Variants in MYH8 observed in about 807,000 individuals in gnomAD.
MYH8 encodes myosin-8.
MYH8 carries 168 observed loss-of-function variants against 233.2 expected under a neutral mutation model. The observed-to-expected ratio is 0.72, with a 90% CI of 0.64 to 0.82. The LOEUF (loss-of-function observed/expected upper bound fraction) is 0.82. Ranked by LOEUF, MYH8 falls within the 40% of genes least tolerant of loss-of-function variation. The probability of loss-of-function intolerance (pLI) is 0.00; values close to 1 mark genes in which losing one functional copy is unlikely to be tolerated. For synonymous variants in MYH8, 785 were observed against 850.6 expected (o/e 0.92, Z 1.34); for missense variants, 1,995 against 2,327.8 (o/e 0.86, Z 2.94).
intron 14 of MYH8, among the ~76,000 whole-genome samples, chr17:10,411,405 G>A (rs181901617): frequency 3.3e-5 from 5 of 151,814 alleles, no homozygotes; most frequent in Admixed American, 1.3e-4. Flanking sequence ...CATTATTCAC[G>A]TGAGCCTTTC....
chr17:10,394,601 C>G (rs1256200402), intron 34 of MYH8, 149 bp from the exon 35 acceptor site: 1 of 1,009,510 alleles, frequency 9.9e-7, no homozygotes, highest in Non-Finnish European at 1.5e-6. Context: ...AGGTCATTTG[C>G]TTAGGGTGAG....
chr17:10,408,009 C>T (rs1025622057), intron 17 of MYH8, among the ~76,000 whole-genome samples: 24 of 149,138 alleles, frequency 1.6e-4, no homozygotes, highest in African/African-American at 5.0e-4. Context: ...GGTGCAATCT[C>T]GGTCCACTGC....
chr17:10,412,740 C>T lies in MYH8; in HGVS notation c.1148-12G>A. ...TGCCTTGTCAGCGACTGCAGAGACA[C>T]AGTTCAGGACATGTTGTTTCATGAA... is the stretch of plus-strand genomic sequence containing the variant. On this transcript the variant is annotated splice_polypyrimidine_tract_variant and intron_variant, in intron 12 of 39. Coordinates refer to ENST00000403437, the MANE Select transcript of MYH8 (RefSeq NM_002472.3). The T allele has an allele frequency of 6.3e-7, 1 of 1,584,860 alleles. No homozygotes were observed.
chr17:10,413,766 A>G, intron 12 of MYH8, 136 bp downstream of exon 12: 1 of 1,256,482 alleles, frequency 8.0e-7, no homozygotes, highest in Non-Finnish European at 1.2e-6. Flanking sequence ...GGGTGAGGAA[A>G]GCATGCAGTG....
At position 10,401,784 on chromosome 17, in the gene MYH8, T is replaced by C; in HGVS notation, c.2690A>G (p.Glu897Gly). The change falls in exon 23 of 40, where the codon GAA becomes GGA. Residue 897 changes from glutamate to glycine, a missense_variant and splice_region_variant. Around this residue, in one of 3 missense-constraint regions of MYH8, gnomAD observed 1,498 missense variants for 1,680.9 expected, o/e 0.89. Transcript: ENST00000403437. ...KNDLQLQVQS[E>G]ADSLADAEER... is the part of the protein sequence containing the mutation. The stretch of plus-strand genomic sequence containing the variant: ...CTCTGCATCAGCCAAGCTATCTGCT[T>C]CCTATGGAGAGATTCATTCAGATAC... 1 of 1,614,194 alleles carries C rather than the reference T, an allele frequency of 6.2e-7. No individual in the cohort carries two copies. Among genetic ancestry groups the C allele is most frequent in the Admixed American group, 1.7e-5 (1 of 60,018 alleles).
intron 2 of MYH8, among the ~76,000 whole-genome samples, chr17:10,420,949 A>G (rs1387944636): frequency 6.6e-6 from 1 of 152,224 alleles, no homozygotes; most frequent in East Asian, 1.9e-4. Flanking sequence ...TGAGAGCTTC[A>G]GCACAAAGGC....
intron 19 of MYH8, 70 bp from the exon 20 acceptor site, chr17:10,406,467 G>A: frequency 6.3e-7 from 1 of 1,596,506 alleles, no homozygotes; most frequent in Non-Finnish European, 8.6e-7. Context: ...ACACCAAAAA[G>A]AAATATCAAC....
chr17:10,393,889 GA>G (rs2142168135), intron 35 of MYH8, among the ~76,000 whole-genome samples: 1 of 147,804 alleles, frequency 6.8e-6, no homozygotes, highest in African/African-American at 2.5e-5. Context: ...AACATTTTCA[GA>G]TTTTGGAGGC....
chr17:10,420,135 GT>G lies in MYH8; in HGVS notation c.92del (p.Asn31ThrfsTer20). On this transcript the variant is annotated frameshift_variant, in exon 3 of 40. Transcript: ENST00000403437. LOFTEE classifies it high-confidence loss of function. ...KSEKERIEAQNKPFDAKTSVF... is the reference protein window; with the variant it reads ...KSEKERIEAQXKPFDAKTSVF... Reference sequence around the variant, plus strand: ...CAGATGTTTTAGCATCAAACGGCTTGTTTTGGGCCTCAATCCGCTCCTTTTC... The same window carrying G: ...CAGATGTTTTAGCATCAAACGGCTTGTTTGGGCCTCAATCCGCTCCTTTTC... The G allele has an allele frequency of 6.2e-7, 1 of 1,614,264 alleles. No individual in the cohort carries two copies. Among genetic ancestry groups the G allele is most frequent in the Non-Finnish European group, 8.5e-7 (1 of 1,180,054 alleles).
chr17:10,407,027 T>A (rs1478829802), intron 17 of MYH8, 48 bp from the exon 18 acceptor site: 2 of 1,467,570 alleles, frequency 1.4e-6, no homozygotes, highest in Non-Finnish European at 1.9e-6. Flanking sequence ...CTATTTCAGG[T>A]TGTTTTTTGT....
At position 10,410,908 on chromosome 17, in the gene MYH8, C is replaced by T. The variant is rs372242377; in HGVS notation, c.1456G>A (p.Glu486Lys). 1.8e-5 allele frequency: 29 copies of T among 1,613,934 alleles called. No homozygotes were observed. Among genetic ancestry groups the T allele is most frequent in the African/African-American group, 6.7e-5 (5 of 74,894 alleles). ...LEQLCINFTNEKLQQFFNHHM... is the reference protein window; with the variant it reads ...LEQLCINFTNKKLQQFFNHHM... ...TGGTTGAAAAACTGTTGCAGTTTCTCGTTGGTGAAGTTGATGCACAGCTGC... is the reference window on the plus strand; with the variant it reads ...TGGTTGAAAAACTGTTGCAGTTTCTTGTTGGTGAAGTTGATGCACAGCTGC... Residue 486 changes from glutamate to lysine, a missense_variant, in exon 15 of 40, where the codon GAG (glutamate) becomes AAG (lysine). Glu to Lys is a moderately conservative substitution (Grantham distance 56, BLOSUM62 1). Around this residue, in one of 3 missense-constraint regions of MYH8, gnomAD observed 479 missense variants for 600.9 expected, o/e 0.80. Coordinates refer to ENST00000403437, the MANE Select transcript of MYH8 (RefSeq NM_002472.3).
intron 12 of MYH8, among the ~76,000 whole-genome samples, chr17:10,413,368 A>G (rs1377841020): frequency 1.3e-5 from 2 of 152,184 alleles, no homozygotes; most frequent in African/African-American, 4.8e-5. Flanking sequence ...TAGATCCTGT[A>G]TATTGCGTGC....
chr17:10,419,030 T>A lies in MYH8; in HGVS notation c.211A>T (p.Thr71Ser). Residue 71 changes from threonine (T) to serine (S), a missense_variant and splice_region_variant, in exon 4 of 40, where the codon ACT becomes TCT. Coordinates refer to ENST00000403437, the MANE Select transcript of MYH8 (RefSeq NM_002472.3). This position sits in a 1 kb window ranked among gnomAD's most constrained non-coding sequence, Gnocchi z 4.0. ...KVTVKTEGGA[T>S]LTVREDQVFP... is the part of the protein sequence containing the mutation. ...ACTTGGTCTTCCCTGACAGTTAGAG[T>A]CTGGTGAGTAAGCAAGAAACCAGTT... 1.9e-6 allele frequency: 3 copies of A among 1,614,018 alleles called. No homozygotes were observed. Among genetic ancestry groups the A allele is most frequent in the Non-Finnish European group, 2.5e-6 (3 of 1,179,982 alleles).
Position 10,396,021 on chromosome 17 carries a change from T to C in MYH8, c.4653+309A>G, listed in dbSNP as rs180720067. 6.6e-6 allele frequency among the ~76,000 whole-genome samples: 1 copy of C among 152,190 alleles called. No individual in the cohort carries two copies. Reference sequence around the variant, plus strand: ...AAAATTACTGTCTACCGTAAAATATTTTTCCAAAATAATCATATTTCATGG... The same window carrying C: ...AAAATTACTGTCTACCGTAAAATATCTTTCCAAAATAATCATATTTCATGG... On this transcript the variant is annotated intron_variant, in intron 33 of 39. Transcript: ENST00000403437. The surrounding 1 kb of genome is among the most constrained non-coding windows in gnomAD (Gnocchi z 4.2).
chr17:10,410,931 T>C lies in MYH8; in HGVS notation c.1433A>G (p.Gln478Arg), dbSNP rs781703793. The C allele has an allele frequency of 6.2e-7, 1 of 1,614,120 alleles. No individual in the cohort carries two copies. The highest frequency in any genetic ancestry group is 8.5e-7 in the Non-Finnish European group (1 of 1,179,992). ...CTCGTTGGTGAAGTTGATGCACAGC[T>C]GCTCCAGGCTGTTAAACTACACAAA... ...FEIFDFNSLEQLCINFTNEKL... is the reference protein window; with the variant it reads ...FEIFDFNSLERLCINFTNEKL... Residue 478 changes from glutamine (Q) to arginine (R), a missense_variant, in exon 15 of 40, where the codon CAG becomes CGG. Physicochemically the swap from Gln to Arg is conservative, Grantham distance 43 (BLOSUM62 1). Around this residue, in one of 3 missense-constraint regions of MYH8, gnomAD observed 479 missense variants for 600.9 expected, o/e 0.80. Transcript: ENST00000403437.
intron 14 of MYH8, 77 bp downstream of exon 14, chr17:10,412,293 G>A: frequency 6.2e-7 from 1 of 1,613,602 alleles, no homozygotes; most frequent in Non-Finnish European, 8.5e-7. Flanking sequence ...CGCTATAAAT[G>A]TGGATGAATA....
At chr17:10,413,827 A>C in intron 12 of MYH8, 75 bp downstream of exon 12, 1 of 1,607,512 alleles carries the variant, frequency 6.2e-7, no homozygotes, top group South Asian at 1.1e-5. Context: ...GCCACAAAGG[A>C]GATGTGAGTG....
rs200411635 is a variant in MYH8 at position 10,398,488 on chromosome 17, G to C, written c.4134C>G (p.Tyr1378Ter). 5.0e-6 allele frequency: 8 copies of C among 1,614,016 alleles called. No homozygotes were observed. The East Asian group carries it at 6.7e-5, about 13-fold the overall frequency. Residue 1378 changes from tyrosine (Y) to a stop codon, truncating the protein, a stop_gained, in exon 30 of 40, where the codon TAC becomes TAG. Coordinates refer to ENST00000403437, the MANE Select transcript of MYH8 (RefSeq NM_002472.3). LOFTEE classifies it high-confidence loss of function. The stretch of plus-strand genomic sequence containing the variant: ...CTGTGCGCTGGATGGCATCCGTCTC[G>C]TATTTGGTTCTCCACTGGGCAACCT... The part of the protein sequence containing the change: ...NSEVAQWRTK[Y>*]ETDAIQRTEE...
rs1161525890 is a variant in MYH8, at chr17:10,409,532, G to A, written c.1644C>T (p.Asp548=). 2.5e-6 allele frequency: 4 copies of A among 1,614,222 alleles called. No individual in the cohort carries two copies. The highest frequency in any genetic ancestry group is 3.4e-6 in the Non-Finnish European group (4 of 1,180,046). ...EEECMFPKAT[D]TSFKNKLYDQ... is the part of the protein sequence containing the mutation. ...CATACAGCTTGTTCTTGAAGGAGGT[G>A]TCCGTTGCCTTAGGGAACATGCACT... Residue 548 remains aspartate, a synonymous_variant, in exon 16 of 40, where the codon GAC becomes GAT. Transcript: ENST00000403437.
Sources: gnomAD v4.1 joint callset for allele counts (sites outside exome capture counted in the v4.1 genomes callset) on GRCh38, gnomAD v4.1.1 for gene constraint, gnomAD v4.1.1 regional missense constraint, Gnocchi (gnomAD v3.1) non-coding constraint, MANE v1.5 for transcripts, NCBI Gene and HGNC (gene_info 2026-07-23, HGNC 2026-07-21) for gene names.